SNTB2: variants seen among roughly 807,000 people sequenced by gnomAD.
SNTB2 encodes beta-2-syntrophin.
In SNTB2, 34 loss-of-function variants were observed where a neutral mutation model predicts 46.2. The observed-to-expected ratio is 0.74, with a 90% CI of 0.56 to 0.98. The LOEUF is 0.98. SNTB2 is among the 50% of genes least tolerant of loss of function. The pLI is 0.00. For missense variants in SNTB2, 603 were observed against 731.4 expected, an observed-to-expected ratio of 0.82 and a Z score of 2.02; for synonymous variants, 290 against 312.6, an observed-to-expected ratio of 0.93 and a Z score of 0.76.
intron 1 of SNTB2, among the ~76,000 whole-genome samples, chr16:69,208,753 T>C (rs1964249395): frequency 6.6e-6 from 1 of 150,526 alleles, no homozygotes; most frequent in South Asian, 2.1e-4. Flanking sequence ...CCCAGCACTT[T>C]GGGAGGCCGA....
intron 5 of SNTB2, among the ~76,000 whole-genome samples, chr16:69,298,440 C>T (rs1044091790): frequency 3.3e-5 from 5 of 151,630 alleles, no homozygotes; most frequent in Non-Finnish European, 5.9e-5. Context: ...TGCCTTTGCT[C>T]CTTTGGTTGG....
At chr16:69,234,922 C>T (rs933536788) in intron 1 of SNTB2, among the ~76,000 whole-genome samples, 4 of 151,942 alleles carry the variant, frequency 2.6e-5, no homozygotes, top group African/African-American at 7.3e-5. Flanking sequence ...AGGCTGGTCT[C>T]GAACACCTGA....
intron 5 of SNTB2, among the ~76,000 whole-genome samples, chr16:69,284,666 C>T (rs1401632277): frequency 2.0e-5 from 3 of 151,872 alleles, no homozygotes; most frequent in Non-Finnish European, 4.4e-5. Context: ...CCCAGCTGTT[C>T]GGGAGGCTGA....
At chr16:69,235,657 C>T in intron 1 of SNTB2, 2 of 1,211,188 alleles carry the variant, frequency 1.7e-6, no homozygotes, top group Non-Finnish European at 2.1e-6. Flanking sequence ...GAAAACAAAA[C>T]AAAAAACCCT....
chr16:69,304,531 A>G lies in SNTB2; in HGVS notation c.*3607A>G, dbSNP rs1965301452. ...TTTCTTATATTTTTATAAGTAAAAA[A>G]ATCTTTCTAAACAACAAATACCTAA... On this transcript the variant is annotated 3_prime_UTR_variant, in exon 7 of 7. Transcript: ENST00000336278. The G allele has an allele frequency of 6.6e-6, 1 of 152,578 alleles. No homozygotes were observed. The highest frequency in any genetic ancestry group is 6.5e-5 in the Admixed American group (1 of 15,280). The allele number at this position is 152,578 out of a possible 1,614,324, so 9.5% of individuals were successfully genotyped here.
At chr16:69,240,300 A>G (rs1383563781) in intron 1 of SNTB2, among the ~76,000 whole-genome samples, 1 of 152,146 alleles carries the variant, frequency 6.6e-6, no homozygotes, top group Non-Finnish European at 1.5e-5. Context: ...GTCACTCTGA[A>G]CTCATTCAAG....
intron 4 of SNTB2, among the ~76,000 whole-genome samples, chr16:69,271,717 A>G (rs1361789892): frequency 6.6e-6 from 1 of 152,076 alleles, no homozygotes; most frequent in Non-Finnish European, 1.5e-5. Flanking sequence ...TTGTAGAATC[A>G]GCTTACACTT....
intron 5 of SNTB2, among the ~76,000 whole-genome samples, chr16:69,287,903 C>T (rs1382516113): frequency 6.6e-6 from 1 of 151,444 alleles, no homozygotes. Context: ...GGGCCAAGCA[C>T]GGTAGTTCAC....
chr16:69,253,608 C>T (rs936133621), intron 2 of SNTB2, among the ~76,000 whole-genome samples: 8 of 152,092 alleles, frequency 5.3e-5, no homozygotes, highest in Admixed American at 2.0e-4. Flanking sequence ...AAGATTGTGC[C>T]ACTGCACTCC....
At chr16:69,214,529 G>A (rs1305856569) in intron 1 of SNTB2, among the ~76,000 whole-genome samples, 3 of 151,034 alleles carry the variant, frequency 2.0e-5, no homozygotes, top group Admixed American at 6.6e-5. Context: ...ATGTACATAT[G>A]TGTGTATGTA....
chr16:69,249,589 A>T (rs1964706077), intron 2 of SNTB2, among the ~76,000 whole-genome samples: 1 of 152,158 alleles, frequency 6.6e-6, no homozygotes, highest in East Asian at 1.9e-4. Context: ...CACTAAAGAC[A>T]TTTCGTGATG....
chr16:69,281,543 A>G (rs1360358331), intron 4 of SNTB2, among the ~76,000 whole-genome samples: 1 of 140,610 alleles, frequency 7.1e-6, no homozygotes, highest in Non-Finnish European at 1.5e-5. Flanking sequence ...TTGTAGCGGC[A>G]TTTGTTGAAA....
intron 1 of SNTB2, among the ~76,000 whole-genome samples, chr16:69,222,329 A>G (rs947403122): frequency 6.6e-6 from 1 of 152,210 alleles, no homozygotes. Context: ...GCGGTGACTC[A>G]TGCCTGGAAT....
intron 1 of SNTB2, among the ~76,000 whole-genome samples, chr16:69,204,367 A>G (rs900050208): frequency 1.3e-5 from 2 of 152,224 alleles, no homozygotes; most frequent in East Asian, 1.9e-4. Context: ...GGGCACCAGA[A>G]TCTTTGGGTT....
rs991586927 is a variant in SNTB2 at position 69,301,227 on chromosome 16, CT to C, written c.*312del. 38 of 225,394 alleles carry C rather than the reference CT, an allele frequency of 1.7e-4. No individual in the cohort carries two copies. Among genetic ancestry groups the C allele is most frequent in the South Asian group, 5.9e-4 (6 of 10,130 alleles). 14.0% of individuals were successfully genotyped at this position (225,394 alleles called of 1,614,324 possible). Reference sequence around the variant, plus strand: ...GCTAAAAAGAATGGCTCATTGTTTTCTTTTTTTTTCATTGTTTTCATTTTTA... The same window carrying C: ...GCTAAAAAGAATGGCTCATTGTTTTCTTTTTTTTCATTGTTTTCATTTTTA... On this transcript the variant is annotated 3_prime_UTR_variant, in exon 7 of 7. Coordinates refer to ENST00000336278, the MANE Select transcript of SNTB2 (RefSeq NM_006750.4).
chr16:69,218,016 C>T (rs1964365267), intron 1 of SNTB2, among the ~76,000 whole-genome samples: 1 of 152,126 alleles, frequency 6.6e-6, no homozygotes, highest in African/African-American at 2.4e-5. Flanking sequence ...ACACAATACA[C>T]TTGGAGTTAA....
chr16:69,224,841 GTTT>G (rs1001029727), intron 1 of SNTB2, among the ~76,000 whole-genome samples: 2 of 151,908 alleles, frequency 1.3e-5, no homozygotes, highest in Non-Finnish European at 2.9e-5. Context: ...TCCAGCTTTT[GTTT>G]TTATTACTTT....
chr16:69,240,297 T>C (rs900933713), intron 1 of SNTB2, among the ~76,000 whole-genome samples: 5 of 152,242 alleles, frequency 3.3e-5, no homozygotes, highest in African/African-American at 1.2e-4. Context: ...AGAGTCACTC[T>C]GAACTCATTC....
chr16:69,205,349 C>CT (rs1157876722), intron 1 of SNTB2, among the ~76,000 whole-genome samples: 9 of 135,660 alleles, frequency 6.6e-5, no homozygotes, highest in Admixed American at 4.6e-4. Context: ...TAATTATACT[C>CT]TAAGTTTTAG....
Sources: allele counts gnomAD v4.1 joint callset (sites outside exome capture counted in the v4.1 genomes callset), GRCh38; gene constraint gnomAD v4.1.1; transcripts MANE v1.5; gene names NCBI Gene and HGNC (gene_info 2026-07-23, HGNC 2026-07-21).